The following TMPRSS5 variants were observed in gnomAD, a reference collection of about 807,000 sequenced individuals.
TMPRSS5 encodes the protein transmembrane protease serine 5.
Under a neutral mutation model 59.7 loss-of-function variants are expected in TMPRSS5, and 45 were observed. That is an observed-to-expected ratio of 0.75 (90% CI 0.59 to 0.97). TMPRSS5 has a LOEUF of 0.97. Among genes scored for constraint, TMPRSS5 ranks in the 50% least tolerant of loss-of-function variants. TMPRSS5 has a pLI of 0.00. For missense variants in TMPRSS5, 585 were observed against 596.7 expected, an observed-to-expected ratio of 0.98 and a Z score of 0.20; for synonymous variants, 225 against 232.0, an observed-to-expected ratio of 0.97 and a Z score of 0.27.
chr11:113,690,025 C>T, intron 11 of TMPRSS5, 108 bp from the exon 12 acceptor site: 1 of 1,321,882 alleles, frequency 7.6e-7, no homozygotes, highest in Non-Finnish European at 1.0e-6. Context: ...GCCCCGCCTG[C>T]TTCTAGCTGA....
Position 113,693,348 on chromosome 11 carries a change from T to A in TMPRSS5, c.786-99A>T, listed in dbSNP as rs940362948. ...GGAAGCTGGCCAGAGCAGCCATTGGTGGGGGGGCCGTCAGCAGGCGGTGAG... is the reference window on the plus strand; with the variant it reads ...GGAAGCTGGCCAGAGCAGCCATTGGAGGGGGGGCCGTCAGCAGGCGGTGAG... On this transcript the variant is annotated intron_variant, in intron 8 of 12. Transcript: ENST00000299882. 6.7e-6 allele frequency: 9 copies of A among 1,341,964 alleles called. No homozygotes were observed. The African/African-American group carries it at 8.9e-5, about 13-fold the overall frequency. The allele number at this position is 1,341,964 out of a possible 1,614,324, so 83.1% of individuals were successfully genotyped here.
At position 113,699,663 on chromosome 11, in the gene TMPRSS5, C is replaced by T. The variant is rs11601425; in HGVS notation, c.137G>A (p.Arg46Gln). The change falls in exon 3 of 13, where the codon CGA (arginine) becomes CAA (glutamine). Residue 46 changes from arginine (R) to glutamine (Q), a missense_variant. Physicochemically the swap from Arg to Gln is conservative, Grantham distance 43 (BLOSUM62 1). Coordinates refer to ENST00000299882, the MANE Select transcript of TMPRSS5 (RefSeq NM_030770.4). ...GGCTCCCAGCACTGCACAGCCACGTCGCATGGAACGCCAGCACACTGCCTG... is the reference window on the plus strand; with the variant it reads ...GGCTCCCAGCACTGCACAGCCACGTTGCATGGAACGCCAGCACACTGCCTG... ...ISQAVCWRSM[R>Q]RGCAVLGALG... The T allele has an allele frequency of 0.1, 161,485 of 1,582,320 alleles. 9,178 individuals are homozygous for T. Among genetic ancestry groups the T allele is most frequent in the Non-Finnish European group, 0.12 (135,366 of 1,164,388 alleles).
chr11:113,698,085 G>T (rs917209359), intron 4 of TMPRSS5, among the ~76,000 whole-genome samples: 3 of 152,152 alleles, frequency 2.0e-5, no homozygotes. Context: ...CAGAGGAAAG[G>T]CCCGGGGAGT....
At chr11:113,701,431 A>G (rs1477335749) in intron 1 of TMPRSS5, among the ~76,000 whole-genome samples, 1 of 65,650 alleles carries the variant, frequency 1.5e-5, no homozygotes, top group Non-Finnish European at 2.6e-5. Context: ...TTAGCAAAAA[A>G]GTGAAGCATT....
At chr11:113,696,527 ATTAC>A (rs369289779) in intron 6 of TMPRSS5, among the ~76,000 whole-genome samples, 7 of 152,348 alleles carry the variant, frequency 4.6e-5, no homozygotes, top group African/African-American at 1.7e-4. Flanking sequence ...TTAGCTGCTT[ATTAC>A]TTATGTGACC....
chr11:113,690,175 T>TTCCCCCCCCCCC, intron 11 of TMPRSS5, 56 bp downstream of exon 11: 1 of 159,592 alleles, frequency 6.3e-6, no homozygotes, highest in South Asian at 8.9e-5. Flanking sequence ...GCAGGCCCCC[T>TTCCCCCCCCCCC]GCCCTCCCAC....
Position 113,700,137 on chromosome 11 carries a change from T to A in TMPRSS5, c.35A>T (p.Glu12Val), listed in dbSNP as rs1435334114. The A allele has an allele frequency of 5.7e-6, 9 of 1,578,856 alleles. No individual in the cohort carries two copies. The highest frequency in any genetic ancestry group is 1.3e-5 in the African/African-American group (1 of 74,184). Reference sequence around the variant, plus strand: ...TGGGCCCTCCTCTGCATACTGGGCCTCCATAGGGGGTTGGTCATCCAGCAT... The same window carrying A: ...TGGGCCCTCCTCTGCATACTGGGCCACCATAGGGGGTTGGTCATCCAGCAT... The part of the protein sequence containing the change: ...SLMLDDQPPM[E>V]AQYAEEGPGP... Residue 12 changes from glutamate (E) to valine (V), a missense_variant, in exon 2 of 13, where the codon GAG (glutamate) becomes GTG (valine). Physicochemically the swap from Glu to Val is moderately radical, Grantham distance 121. Coordinates refer to ENST00000299882, the MANE Select transcript of TMPRSS5 (RefSeq NM_030770.4).
chr11:113,693,571 A>G (rs1033788201), intron 8 of TMPRSS5: 1 of 207,310 alleles, frequency 4.8e-6, no homozygotes, highest in African/African-American at 2.3e-5. Flanking sequence ...CTTGTGTTGG[A>G]AAAACTTCCC....
intron 9 of TMPRSS5, among the ~76,000 whole-genome samples, chr11:113,692,121 C>G (rs1346162093): frequency 1.3e-5 from 2 of 152,122 alleles, no homozygotes; most frequent in East Asian, 3.9e-4. Context: ...CTCCTGACCT[C>G]AAATGATCTG....
chr11:113,690,184 A>ACCCCCC, intron 11 of TMPRSS5, 47 bp downstream of exon 11: 1 of 210,044 alleles, frequency 4.8e-6, no homozygotes, highest in Non-Finnish European at 7.6e-6. Flanking sequence ...CTGCCCTCCC[A>ACCCCCC]CCCCCACCTC....
At chr11:113,701,156 A>G (rs1953119418) in intron 1 of TMPRSS5, among the ~76,000 whole-genome samples, 1 of 152,268 alleles carries the variant, frequency 6.6e-6, no homozygotes, top group Non-Finnish European at 1.5e-5. Context: ...GAACAAACTA[A>G]TACAGTAAAT....
intron 1 of TMPRSS5, among the ~76,000 whole-genome samples, chr11:113,705,994 T>G (rs1953280457): frequency 6.6e-6 from 1 of 152,212 alleles, no homozygotes. Flanking sequence ...ACCACATATG[T>G]GCAAAGCACT....
chr11:113,698,238 T>C (rs1166791450), intron 4 of TMPRSS5, among the ~76,000 whole-genome samples: 1 of 147,496 alleles, frequency 6.8e-6, no homozygotes, highest in Non-Finnish European at 1.5e-5. Flanking sequence ...CTGTGGTACT[T>C]AGTCATGGCA....
At position 113,695,443 on chromosome 11, in the gene TMPRSS5, C is replaced by T; in HGVS notation, c.579G>A (p.Arg193=). The T allele has an allele frequency of 1.2e-6, 2 of 1,613,926 alleles. No individual in the cohort carries two copies. Among genetic ancestry groups the T allele is most frequent in the Non-Finnish European group, 1.7e-6 (2 of 1,179,870 alleles). ...CAACTTGACCAGAAGTGCAGTTGTT[C>T]CTGCAAAACAGAGGTACCAACAAGA... ...GGFLEEAWQP[R]NNCTSGQVVS... Residue 193 remains arginine (R), a splice_region_variant and synonymous_variant, in exon 7 of 13, where the codon AGG becomes AGA. Coordinates refer to ENST00000299882, the MANE Select transcript of TMPRSS5 (RefSeq NM_030770.4).
intron 1 of TMPRSS5, among the ~76,000 whole-genome samples, chr11:113,702,052 G>A (rs1169267089): frequency 7.8e-6 from 1 of 127,772 alleles, no homozygotes; most frequent in East Asian, 1.9e-4. Flanking sequence ...AACATGTGGT[G>A]TTTCTGTGTT....
intron 10 of TMPRSS5, 78 bp from the exon 11 acceptor site, chr11:113,690,451 C>A: frequency 6.6e-7 from 1 of 1,525,948 alleles, no homozygotes; most frequent in South Asian, 1.3e-5. Flanking sequence ...GGAGGTAATT[C>A]GAAGTCCCAG....
intron 1 of TMPRSS5, among the ~76,000 whole-genome samples, chr11:113,701,215 G>C (rs1007303545): frequency 3.3e-5 from 5 of 152,228 alleles, no homozygotes; most frequent in Admixed American, 3.3e-4. Flanking sequence ...CTTTGGAATT[G>C]GGTAACAGGT....
At chr11:113,691,347 T>C (rs992976645) in intron 9 of TMPRSS5, among the ~76,000 whole-genome samples, 1 of 152,214 alleles carries the variant, frequency 6.6e-6, no homozygotes, top group African/African-American at 2.4e-5. Context: ...AGGCACACTA[T>C]TGAGTAAAGC....
chr11:113,700,022 A>G (rs1565264895), intron 2 of TMPRSS5, 44 bp downstream of exon 2: 3 of 1,551,262 alleles, frequency 1.9e-6, no homozygotes, highest in Non-Finnish European at 2.6e-6. Flanking sequence ...ATTGCCCTCC[A>G]CTGTCCCCAC....
Sources: gnomAD v4.1 joint callset for allele counts (sites outside exome capture counted in the v4.1 genomes callset) on GRCh38, gnomAD v4.1.1 for gene constraint, MANE v1.5 for transcripts, NCBI Gene and HGNC (gene_info 2026-07-23, HGNC 2026-07-21) for gene names.